GSDMB: variants seen among roughly 807,000 people sequenced by gnomAD.
The protein encoded by GSDMB is gasdermin B, also known as gasdermin-B.
GSDMB carries 32 observed loss-of-function variants against 42.9 expected under a neutral mutation model. That is an observed-to-expected ratio of 0.75 (90% CI 0.56 to 1.00). GSDMB has a LOEUF of 1.00. GSDMB is among the 50% of genes least tolerant of loss of function. The probability of loss-of-function intolerance (pLI) is 0.00; values close to 1 mark genes in which losing one functional copy is unlikely to be tolerated. For synonymous variants in GSDMB, 175 were observed against 193.7 expected, an observed-to-expected ratio of 0.90 and a Z score of 0.80; for missense variants, 468 against 498.5, an observed-to-expected ratio of 0.94 and a Z score of 0.58.
chr17:39,913,818 C>T (rs7216558), intron 2 of GSDMB, among the ~76,000 whole-genome samples: 79,666 of 151,962 alleles, frequency 0.52, 21,089 homozygotes, highest in East Asian at 0.73. Context: ...TTGTCTCCAA[C>T]CTCCCAGATG....
rs538755372 is a variant in GSDMB, at chr17:39,908,525, G to A, written c.662-311C>T. 2.8e-4 allele frequency among the ~76,000 whole-genome samples: 42 copies of A among 151,934 alleles called. 1 individual carries two copies. Among genetic ancestry groups the A allele is most frequent in the Admixed American group, 2.0e-3 (31 of 15,248 alleles). On this transcript the variant is annotated intron_variant, in intron 5 of 10. Transcript: ENST00000418519. ...CTCCCAAGTAGCTGGGATTACAGGC[G>A]CATACCACCACACCCAGCTAATATT...
intron 7 of GSDMB, chr17:39,906,535 C>T (rs1363357609): frequency 1.5e-6 from 2 of 1,364,782 alleles, no homozygotes; most frequent in African/African-American, 1.5e-5. Context: ...TGGAAAAAAA[C>T]AAAAACTTGG....
Position 39,909,001 on chromosome 17 carries a change from G to C in GSDMB, c.618C>G (p.Ser206Arg). 1 of 1,605,516 alleles carries C rather than the reference G, an allele frequency of 6.2e-7. No individual in the cohort carries two copies. The highest frequency in any genetic ancestry group is 1.3e-5 in the African/African-American group (1 of 74,496). ...GGAAGACAAGCTGCTTTACTCGATAGCTCAGGACCCGATTTGGGGGGATGG... is the reference window on the plus strand; with the variant it reads ...GGAAGACAAGCTGCTTTACTCGATACCTCAGGACCCGATTTGGGGGGATGG... ...EVTIPPNRVL[S>R]YRVKQLVFPN... Residue 206 changes from serine to arginine, a missense_variant, in exon 5 of 11, where the codon AGC (serine) becomes AGG (arginine). By Grantham distance (110) the Ser-to-Arg change is moderately radical. Coordinates refer to ENST00000418519, the MANE Select transcript of GSDMB (RefSeq NM_001165958.2).
At chr17:39,909,469 G>A in intron 4 of GSDMB, 2 of 398,662 alleles carry the variant, frequency 5.0e-6, no homozygotes, top group Non-Finnish European at 9.0e-6. Context: ...GGCCGAGGTG[G>A]GTGGATTGCT....
chr17:39,912,328 G>A lies in GSDMB; in HGVS notation c.405C>T (p.Asn135=). The change falls in exon 3 of 11, where the codon AAC becomes AAT. Residue 135 remains asparagine, a splice_region_variant and synonymous_variant. Coordinates refer to ENST00000418519, the MANE Select transcript of GSDMB (RefSeq NM_001165958.2). ...CTGCTGCCCAACTCCAACCTCACCT[G>A]TTTTCAAGGGTAGCCAGATACTGCT... The part of the protein sequence containing the change: ...ISQQYLATLE[N]RKLKRELPFS... 20 of 1,613,260 alleles carry A rather than the reference G, an allele frequency of 1.2e-5. No individual in the cohort carries two copies. The highest frequency in any genetic ancestry group is 1.7e-5 in the Non-Finnish European group (20 of 1,179,438).
At chr17:39,905,524 G>C (rs921723394) in intron 9 of GSDMB, 28 bp from the exon 10 acceptor site, 6 of 1,572,642 alleles carry the variant, frequency 3.8e-6, no homozygotes, top group African/African-American at 1.3e-5. Context: ...GTGGTAAAAA[G>C]GAGAGATATA....
At chr17:39,917,380 A>G (rs1369911704) in intron 1 of GSDMB, 50 bp from the exon 2 acceptor site, 3 of 1,096,672 alleles carry the variant, frequency 2.7e-6, no homozygotes, top group African/African-American at 1.5e-5. Context: ...TATTGGTTCA[A>G]GTATTTAAAT....
chr17:39,906,798 G>C (rs2063512892), intron 7 of GSDMB, 163 bp downstream of exon 7: 10 of 1,472,790 alleles, frequency 6.8e-6, no homozygotes, highest in African/African-American at 1.4e-5. Flanking sequence ...ACTGTGTTTA[G>C]AGGAGACAGA....
At chr17:39,906,429 A>T (rs2063506282) in intron 7 of GSDMB, 158 bp from the exon 8 acceptor site, 3 of 910,766 alleles carry the variant, frequency 3.3e-6, no homozygotes, top group Non-Finnish European at 4.8e-6. Context: ...CTTCCAAGAT[A>T]CCTACCATCA....
intron 6 of GSDMB, 144 bp from the exon 7 acceptor site, chr17:39,907,131 G>T: frequency 2.0e-6 from 3 of 1,485,910 alleles, no homozygotes; most frequent in South Asian, 1.4e-5. Flanking sequence ...TCACCAGCGT[G>T]TGTCAATGGG....
At chr17:39,911,680 G>C (rs1035011300) in intron 3 of GSDMB, among the ~76,000 whole-genome samples, 1 of 152,188 alleles carries the variant, frequency 6.6e-6, no homozygotes, top group East Asian at 1.9e-4. Flanking sequence ...GGTCAATACA[G>C]AGAGGTTAGT....
chr17:39,916,164 C>G (rs946321213), intron 2 of GSDMB, among the ~76,000 whole-genome samples: 2 of 152,106 alleles, frequency 1.3e-5, no homozygotes, highest in Admixed American at 1.3e-4. Context: ...GTCTTGATAG[C>G]CAAGGAACAT....
intron 2 of GSDMB, among the ~76,000 whole-genome samples, chr17:39,912,759 T>A (rs984919276): frequency 5.3e-5 from 8 of 152,240 alleles, no homozygotes; most frequent in African/African-American, 1.9e-4. Context: ...CCTCTTTGAA[T>A]CTGTTTCTTC....
Position 39,909,616 on chromosome 17 carries a change from C to A in GSDMB, c.576+140G>T, listed in dbSNP as rs936516101. 8.6e-5 allele frequency: 60 copies of A among 697,240 alleles called. No individual in the cohort carries two copies. In the East Asian group the frequency reaches 1.5e-3, roughly 18 times the overall value. 43.2% of individuals were successfully genotyped at this position (697,240 alleles called of 1,614,324 possible). A position where few individuals can be genotyped will look rare whatever the true frequency, so the allele number is the denominator to read the frequency against. On this transcript the variant is annotated intron_variant, in intron 4 of 10. Transcript: ENST00000418519. ...GGAAGGACTGGGCAATGCCACCCAC[C>A]CTTTCTTGGGGCAAGGTGGCCAAGA...
chr17:39,912,545 T>A, intron 2 of GSDMB, 48 bp from the exon 3 acceptor site: 1 of 1,483,060 alleles, frequency 6.7e-7, no homozygotes, highest in Non-Finnish European at 9.4e-7. Flanking sequence ...CCCCAAAAGA[T>A]CTCTCTCCAA....
At chr17:39,906,041 CACT>C in intron 8 of GSDMB, 56 bp from the exon 9 acceptor site, 10 of 1,607,174 alleles carry the variant, frequency 6.2e-6, no homozygotes, top group Non-Finnish European at 8.5e-6. Flanking sequence ...AGATTATCCT[CACT>C]GTGCCAACTG....
At position 39,904,976 on chromosome 17, in the gene GSDMB, C is replaced by A; in HGVS notation, c.1099-12G>T. The A allele has an allele frequency of 6.2e-7, 1 of 1,610,030 alleles. No individual in the cohort carries two copies. Among genetic ancestry groups the A allele is most frequent in the Non-Finnish European group, 8.5e-7 (1 of 1,176,860 alleles). On this transcript the variant is annotated splice_polypyrimidine_tract_variant and intron_variant, in intron 10 of 10. Transcript: ENST00000418519. Reference sequence around the variant, plus strand: ...ATGACAGATTTCACCTGGAAGGAAACCCCCCAGATTGTAACAGCTAGGAAC... The same window carrying A: ...ATGACAGATTTCACCTGGAAGGAAAACCCCCAGATTGTAACAGCTAGGAAC...
intron 4 of GSDMB, chr17:39,909,461 C>T (rs1598275940): frequency 2.5e-6 from 1 of 398,430 alleles, no homozygotes; most frequent in East Asian, 4.9e-5. Flanking sequence ...CTTTGGGAGG[C>T]CGAGGTGGGT....
chr17:39,906,059 C>T, intron 8 of GSDMB, 52 bp downstream of exon 8: 1 of 1,558,638 alleles, frequency 6.4e-7, no homozygotes, highest in Non-Finnish European at 8.8e-7. Flanking sequence ...CAACTGCCAT[C>T]CCCTCTGGCT....
Sources: gnomAD v4.1 joint callset for allele counts (sites outside exome capture counted in the v4.1 genomes callset) on GRCh38, gnomAD v4.1.1 for gene constraint, MANE v1.5 for transcripts, NCBI Gene and HGNC (gene_info 2026-07-23, HGNC 2026-07-21) for gene names.